Variants in PELO observed in about 807,000 individuals in gnomAD.
The protein encoded by PELO is pelota mRNA surveillance and ribosome rescue factor, also known as protein pelota homolog.
PELO carries 19 observed loss-of-function variants against 25.9 expected under a neutral mutation model. The observed-to-expected ratio is 0.73, with a 90% confidence interval of 0.51 to 1.08. The LOEUF (loss-of-function observed/expected upper bound fraction) is 1.08, where lower values mean the gene tolerates loss of function less well. PELO is among the 50% of genes least tolerant of loss of function. The pLI is 0.00. For missense variants in PELO, 498 were observed against 491.4 expected, an observed-to-expected ratio of 1.01 and a Z score of -0.13; for synonymous variants, 196 against 192.2, an observed-to-expected ratio of 1.02 and a Z score of -0.16.
rs1198518924 is a variant in PELO, at chr5:52,799,948, A to C, written c.-447A>C. The C allele has an allele frequency of 5.2e-6, 1 of 192,060 alleles. No homozygotes were observed. Among genetic ancestry groups the C allele is most frequent in the Non-Finnish European group, 1.1e-5 (1 of 90,724 alleles). 11.9% of individuals were successfully genotyped at this position (192,060 alleles called of 1,614,324 possible). On this transcript the variant is annotated 5_prime_UTR_variant, in exon 2 of 3. Coordinates refer to ENST00000274311, the MANE Select transcript of PELO (RefSeq NM_015946.5). ...GCATTAAAATAAAGGACTCGCCACC[A>C]CTCTGTGCACCTTCTTGAGGGAGTT... is the stretch of plus-strand genomic sequence containing the variant.
intron 1 of PELO, among the ~76,000 whole-genome samples, chr5:52,791,061 T>C (rs929274924): frequency 6.6e-6 from 1 of 152,214 alleles, no homozygotes; most frequent in Non-Finnish European, 1.5e-5. Context: ...ATAAACTTCC[T>C]ATTTGATTTA....
chr5:52,795,936 T>C (rs921591114), intron 1 of PELO, among the ~76,000 whole-genome samples: 2 of 151,984 alleles, frequency 1.3e-5, no homozygotes, highest in Non-Finnish European at 2.9e-5. Context: ...CTGCCAATTC[T>C]TGGTCCACAA....
rs1748491298 is a variant in PELO at position 52,801,732 on chromosome 5, C to T, written c.1050C>T (p.His350=). The T allele has an allele frequency of 1.9e-6, 3 of 1,613,936 alleles. No homozygotes were observed. The highest frequency in any genetic ancestry group is 1.6e-4 in the Middle Eastern group (1 of 6,084). ...CCGTTAGGATATTCTCTAGTCTTCA[C>T]GTTTCTGGGGAACAGCTCAGCCAGT... is the stretch of plus-strand genomic sequence containing the variant. ...AGTVRIFSSL[H]VSGEQLSQLT... Residue 350 remains histidine, a synonymous_variant, in exon 3 of 3, where the codon CAC becomes CAT. Coordinates refer to ENST00000274311, the MANE Select transcript of PELO (RefSeq NM_015946.5).
At position 52,788,375 on chromosome 5, in the gene PELO, C is replaced by T. The variant is rs1286241516; in HGVS notation, c.-550C>T. ...GGCCATGGCCCCTCGGCCCCGCGCC[C>T]GCCCAGGGGTCGCTGTCGCCTGCTG... On this transcript the variant is annotated 5_prime_UTR_variant, in exon 1 of 3. Transcript: ENST00000274311. 2 of 1,512,218 alleles carry T rather than the reference C, an allele frequency of 1.3e-6. No individual in the cohort carries two copies. Among genetic ancestry groups the T allele is most frequent in the Admixed American group, 2.1e-5 (1 of 47,590 alleles). The allele number at this position is 1,512,218 out of a possible 1,614,324, so 93.7% of individuals were successfully genotyped here.
Position 52,788,400 on chromosome 5 carries a change from G to T in PELO, c.-525G>T. On this transcript the variant is annotated 5_prime_UTR_variant, in exon 1 of 3. Coordinates refer to ENST00000274311, the MANE Select transcript of PELO (RefSeq NM_015946.5). ...CGCCCAGGGGTCGCTGTCGCCTGCT[G>T]CTGGCTCCTCACTGGTGAGCGACTC... 1 of 1,513,158 alleles carries T rather than the reference G, an allele frequency of 6.6e-7. No individual in the cohort carries two copies. Among genetic ancestry groups the T allele is most frequent in the Non-Finnish European group, 8.8e-7 (1 of 1,133,512 alleles). The allele number at this position is 1,513,158 out of a possible 1,614,324, so 93.7% of individuals were successfully genotyped here.
In PELO at chr5:52,787,953, G is replaced by C. The variant is rs1404851964; in HGVS notation, c.-972G>C. 5.8e-6 allele frequency: 1 copy of C among 172,542 alleles called. No homozygotes were observed. Among genetic ancestry groups the C allele is most frequent in the Non-Finnish European group, 1.2e-5 (1 of 81,826 alleles). The allele number at this position is 172,542 out of a possible 1,614,324, so 10.7% of individuals were successfully genotyped here. A position where few individuals can be genotyped will look rare whatever the true frequency, so the allele number is the denominator to read the frequency against. ...ACCACCTTAGGGGATTTGGCCCGGA[G>C]AACGAGATCACCCTCTCAATGAAAG... On this transcript the variant is annotated 5_prime_UTR_variant, in exon 1 of 3. Transcript: ENST00000274311.
At chr5:52,795,085 C>G (rs1032072936) in intron 1 of PELO, among the ~76,000 whole-genome samples, 4 of 151,754 alleles carry the variant, frequency 2.6e-5, no homozygotes, top group African/African-American at 9.7e-5. Flanking sequence ...AATGTGATTT[C>G]CTAATTTTAG....
At chr5:52,793,079 C>T (rs1748272918) in intron 1 of PELO, among the ~76,000 whole-genome samples, 1 of 152,034 alleles carries the variant, frequency 6.6e-6, no homozygotes, top group Non-Finnish European at 1.5e-5. Flanking sequence ...AACGTCATTT[C>T]CAAGAGATAC....
At chr5:52,788,504 A>G in intron 1 of PELO, 90 bp downstream of exon 1, 3 of 1,086,926 alleles carry the variant, frequency 2.8e-6, no homozygotes, top group Non-Finnish European at 3.7e-6. Flanking sequence ...TGGGCCAGAT[A>G]GGAAGAGAGA....
intron 1 of PELO, among the ~76,000 whole-genome samples, chr5:52,794,178 T>A (rs2111646317): frequency 6.6e-6 from 1 of 152,096 alleles, no homozygotes; most frequent in East Asian, 1.9e-4. Flanking sequence ...AAGGAGTGGA[T>A]ACACATACTC....
At position 52,800,469 on chromosome 5, in the gene PELO, CAT is replaced by C; in HGVS notation, c.76_77del (p.Met26ValfsTer58). 1.2e-6 allele frequency: 2 copies of C among 1,614,076 alleles called. No individual in the cohort carries two copies. The highest frequency in any genetic ancestry group is 1.7e-6 in the Non-Finnish European group (2 of 1,180,018). ...VTLVPEEPED[M>X]WHTYNLVQVG... ...CCCTGGTCCCCGAGGAGCCTGAGGA[CAT>C]GTGGCACACTTACAACCTCGTGCAG... On this transcript the variant is annotated frameshift_variant, in exon 2 of 3. Coordinates refer to ENST00000274311, the MANE Select transcript of PELO (RefSeq NM_015946.5). LOFTEE classifies it high-confidence loss of function.
At chr5:52,791,970 C>A (rs1389211466) in intron 1 of PELO, among the ~76,000 whole-genome samples, 9 of 152,160 alleles carry the variant, frequency 5.9e-5, no homozygotes, top group Non-Finnish European at 1.2e-4. Context: ...AGTTCATTCT[C>A]TCTTGCTCAC....
intron 1 of PELO, among the ~76,000 whole-genome samples, chr5:52,793,789 CA>C (rs1748287197): frequency 6.6e-6 from 1 of 151,964 alleles, no homozygotes; most frequent in African/African-American, 2.4e-5. Flanking sequence ...ATCCCAAAAA[CA>C]GAGCTCCCTC....
chr5:52,800,251 A>G lies in PELO; in HGVS notation c.-144A>G. On this transcript the variant is annotated 5_prime_UTR_variant, in exon 2 of 3. Coordinates refer to ENST00000274311, the MANE Select transcript of PELO (RefSeq NM_015946.5). ...GCCCTAGGCTGCATGAGTCGAAGCA[A>G]GCGTGTTTCCTTCCCGCCAGGCAAG... The G allele has an allele frequency of 1.3e-6, 1 of 757,750 alleles. No individual in the cohort carries two copies. The highest frequency in any genetic ancestry group is 2.2e-6 in the Non-Finnish European group (1 of 460,588). The allele number at this position is 757,750 out of a possible 1,614,324, so 46.9% of individuals were successfully genotyped here. A position where few individuals can be genotyped will look rare whatever the true frequency, so the allele number is the denominator to read the frequency against.
In PELO at chr5:52,788,125, G is replaced by A. The variant is rs1580015315; in HGVS notation, c.-800G>A. 2.3e-6 allele frequency: 1 copy of A among 434,484 alleles called. No individual in the cohort carries two copies. Among genetic ancestry groups the A allele is most frequent in the Admixed American group, 4.4e-5 (1 of 22,488 alleles). 26.9% of individuals were successfully genotyped at this position (434,484 alleles called of 1,614,324 possible). A position where few individuals can be genotyped will look rare whatever the true frequency, so the allele number is the denominator to read the frequency against. The stretch of plus-strand genomic sequence containing the variant: ...CAGAGACCAAGAGCGCGAAGGGGCG[G>A]GCGATGTGGCAATCCGTCTGGGATG... On this transcript the variant is annotated 5_prime_UTR_variant, in exon 1 of 3. Transcript: ENST00000274311.
rs566900441 is a variant in PELO, at chr5:52,800,265, C to T, written c.-130C>T. 2.7e-5 allele frequency: 24 copies of T among 900,010 alleles called. No homozygotes were observed. In the Admixed American group the frequency reaches 3.7e-4, roughly 14 times the overall value. The allele number at this position is 900,010 out of a possible 1,614,324, so 55.8% of individuals were successfully genotyped here. A position where few individuals can be genotyped will look rare whatever the true frequency, so the allele number is the denominator to read the frequency against. ...GAGTCGAAGCAAGCGTGTTTCCTTCCCGCCAGGCAAGTGCCCTTAGAAACC... is the reference window on the plus strand; with the variant it reads ...GAGTCGAAGCAAGCGTGTTTCCTTCTCGCCAGGCAAGTGCCCTTAGAAACC... On this transcript the variant is annotated 5_prime_UTR_variant, in exon 2 of 3. Coordinates refer to ENST00000274311, the MANE Select transcript of PELO (RefSeq NM_015946.5).
chr5:52,801,951 G>T lies in PELO; in HGVS notation c.*111G>T. 1 of 744,384 alleles carries T rather than the reference G, an allele frequency of 1.3e-6. No homozygotes were observed. Among genetic ancestry groups the T allele is most frequent in the Non-Finnish European group, 2.1e-6 (1 of 467,506 alleles). The allele number at this position is 744,384 out of a possible 1,614,324, so 46.1% of individuals were successfully genotyped here. A position where few individuals can be genotyped will look rare whatever the true frequency, so the allele number is the denominator to read the frequency against. On this transcript the variant is annotated 3_prime_UTR_variant, in exon 3 of 3. Coordinates refer to ENST00000274311, the MANE Select transcript of PELO (RefSeq NM_015946.5). ...AGAATGGCACTTTTTGATTCATACA[G>T]GGATTTCTTATGTCTTTGGCTACAC...
Position 52,801,980 on chromosome 5 carries a change from A to C in PELO, c.*140A>C, listed in dbSNP as rs78174230. 9.6e-3 allele frequency: 5,755 copies of C among 597,268 alleles called. 151 individuals are homozygous for C. Among genetic ancestry groups the C allele is most frequent in the East Asian group, 0.074 (2,627 of 35,276 alleles). 37.0% of individuals were successfully genotyped at this position (597,268 alleles called of 1,614,324 possible). A position where few individuals can be genotyped will look rare whatever the true frequency, so the allele number is the denominator to read the frequency against. On this transcript the variant is annotated 3_prime_UTR_variant, in exon 3 of 3. Transcript: ENST00000274311. ...TTTCTTATGTCTTTGGCTACACTAG[A>C]TATTTTGTGATTGGCAAGACATGTA...
rs570646822 is a variant in PELO, at chr5:52,803,301, G to C, written c.*1461G>C. 2.7e-5 allele frequency: 4 copies of C among 149,366 alleles called. No individual in the cohort carries two copies. The South Asian group carries it at 8.9e-4, about 33-fold the overall frequency. The allele number at this position is 149,366 out of a possible 1,614,324, so 9.3% of individuals were successfully genotyped here. A position where few individuals can be genotyped will look rare whatever the true frequency, so the allele number is the denominator to read the frequency against. ...TATCTCCTAATTCAAAAGTAATTGA[G>C]ATTGTCATTTCATTATAATTCCGTG... On this transcript the variant is annotated 3_prime_UTR_variant, in exon 3 of 3. Transcript: ENST00000274311.
Sources: allele counts gnomAD v4.1 joint callset (sites outside exome capture counted in the v4.1 genomes callset), GRCh38; gene constraint gnomAD v4.1.1; transcripts MANE v1.5; gene names NCBI Gene and HGNC (gene_info 2026-07-23, HGNC 2026-07-21).